Variants in GAD1 observed in about 807,000 individuals in gnomAD.
GAD1 encodes the protein 67 kDa glutamic acid decarboxylase.
Under a neutral mutation model 75.2 loss-of-function variants are expected in GAD1, and 35 were observed. That is an observed-to-expected ratio of 0.47 (90% CI 0.36 to 0.62). GAD1 has a LOEUF of 0.62. Among genes scored for constraint, GAD1 ranks in the 20% least tolerant of loss-of-function variants. GAD1 has a pLI of 0.00. For missense variants in GAD1, 490 were observed against 758.5 expected, an observed-to-expected ratio of 0.65 and a Z score of 4.16; for synonymous variants, 257 against 271.9, an observed-to-expected ratio of 0.95 and a Z score of 0.54.
chr2:170,831,634 G>GTGTA (rs1165758709), intron 5 of GAD1, among the ~76,000 whole-genome samples: 190 of 132,102 alleles, frequency 1.4e-3, no homozygotes, highest in South Asian at 6.3e-3. Context: ...GTGTGTGTGT[G>GTGTA]TATATACCTA....
chr2:170,820,803 T>C lies in GAD1; in HGVS notation c.83-1284T>C, dbSNP rs771263686. ...TTGACCTTGGAAAACTCATGTAACCTCTCTGAGCCTCGATGTTTTTTCTTT... is the reference window on the plus strand; with the variant it reads ...TTGACCTTGGAAAACTCATGTAACCCCTCTGAGCCTCGATGTTTTTTCTTT... On this transcript the variant is annotated intron_variant, in intron 2 of 16. Transcript: ENST00000358196. 9.2e-5 allele frequency among the ~76,000 whole-genome samples: 14 copies of C among 152,320 alleles called. 1 individual carries two copies. The highest frequency in any genetic ancestry group is 6.8e-3 in the Middle Eastern group (2 of 294).
chr2:170,825,913 C>A (rs561623271), intron 3 of GAD1, among the ~76,000 whole-genome samples: 1 of 152,282 alleles, frequency 6.6e-6, no homozygotes, highest in African/African-American at 2.4e-5. Flanking sequence ...TCTGGGACCC[C>A]TTCTTACAGG....
intron 6 of GAD1, among the ~76,000 whole-genome samples, chr2:170,840,767 C>A (rs192286250): frequency 7.4e-4 from 112 of 151,992 alleles, no homozygotes; most frequent in African/African-American, 2.6e-3. Context: ...TTCCATAAAG[C>A]CTCTTTAGCC....
upstream of GAD1, chr2:170,816,623 G>GA (rs201679274): frequency 2.3e-3 from 321 of 138,820 alleles, 1 homozygote; most frequent in Non-Finnish European, 2.9e-3. Flanking sequence ...ATTTCCAAAG[G>GA]AAAAAAAAAA....
chr2:170,818,680 C>G lies in GAD1; in HGVS notation c.82+7C>G, dbSNP rs749230124. The stretch of plus-strand genomic sequence containing the variant: ...ACTAACCTGCGCCCCACAAGTAGGT[C>G]CCGCCCCAATTTTCTATCAAATGAA... On this transcript the variant is annotated splice_region_variant and intron_variant, in intron 2 of 16. Coordinates refer to ENST00000358196, the MANE Select transcript of GAD1 (RefSeq NM_000817.3). The surrounding 1 kb of genome is among the most constrained non-coding windows in gnomAD (Gnocchi z 5.9). 3 of 1,613,596 alleles carry G rather than the reference C, an allele frequency of 1.9e-6. No individual in the cohort carries two copies. The highest frequency in any genetic ancestry group is 2.5e-6 in the Non-Finnish European group (3 of 1,179,484).
Position 170,859,978 on chromosome 2 carries a change from A to C in GAD1, c.*96A>C. ...GTTGCTGAAACACACAGGCCATTTCATTGAGGGAAAACATAATATCTTGAA... is the reference window on the plus strand; with the variant it reads ...GTTGCTGAAACACACAGGCCATTTCCTTGAGGGAAAACATAATATCTTGAA... On this transcript the variant is annotated 3_prime_UTR_variant, in exon 17 of 17. Transcript: ENST00000358196. 1 of 1,078,494 alleles carries C rather than the reference A, an allele frequency of 9.3e-7. No homozygotes were observed. Among genetic ancestry groups the C allele is most frequent in the Non-Finnish European group, 1.4e-6 (1 of 712,988 alleles). 66.8% of individuals were successfully genotyped at this position (1,078,494 alleles called of 1,614,324 possible).
intron 6 of GAD1, chr2:170,842,496 A>G (rs1430203933): frequency 1.5e-6 from 2 of 1,311,242 alleles, no homozygotes; most frequent in Non-Finnish European, 2.2e-6. Flanking sequence ...AAAGCCCATC[A>G]TGAGTTTGCC....
At chr2:170,852,535 C>T (rs548328798) in intron 12 of GAD1, 179 bp from the exon 13 acceptor site, 44 of 654,234 alleles carry the variant, frequency 6.7e-5, no homozygotes, top group South Asian at 6.0e-4. Flanking sequence ...AGATATAGTC[C>T]GTAATGTAAT....
At chr2:170,828,778 A>C (rs1473353874) in intron 3 of GAD1, among the ~76,000 whole-genome samples, 58 of 67,308 alleles carry the variant, frequency 8.6e-4, no homozygotes, top group Non-Finnish European at 9.9e-4. Flanking sequence ...TGCTGTCCTC[A>C]CCCTCCTCCC....
rs1575449167 is a variant in GAD1 at position 170,860,062 on chromosome 2, C to A, written c.*180C>A. On this transcript the variant is annotated 3_prime_UTR_variant, in exon 17 of 17. Coordinates refer to ENST00000358196, the MANE Select transcript of GAD1 (RefSeq NM_000817.3). ...GTTCTAGTTAGCAGGAAATAGTGTTCTTTTTAAAAAGTTGCACATTAGGAA... is the reference window on the plus strand; with the variant it reads ...GTTCTAGTTAGCAGGAAATAGTGTTATTTTTAAAAAGTTGCACATTAGGAA... The A allele has an allele frequency of 1.5e-6, 1 of 666,056 alleles. No individual in the cohort carries two copies. Among genetic ancestry groups the A allele is most frequent in the East Asian group, 2.8e-5 (1 of 35,990 alleles). The allele number at this position is 666,056 out of a possible 1,614,324, so 41.3% of individuals were successfully genotyped here. A position where few individuals can be genotyped will look rare whatever the true frequency, so the allele number is the denominator to read the frequency against.
chr2:170,819,324 G>A (rs1353255071), intron 2 of GAD1, among the ~76,000 whole-genome samples: 1 of 149,512 alleles, frequency 6.7e-6, no homozygotes, highest in Non-Finnish European at 1.5e-5. Context: ...ATAGGGGAGC[G>A]GGCGGCATCC....
rs1702544555 is a variant in GAD1, at chr2:170,842,745, A to G, written c.639-1300A>G. 3.2e-6 allele frequency: 5 copies of G among 1,548,628 alleles called. No individual in the cohort carries two copies. In the South Asian group the frequency reaches 5.0e-5, roughly 15 times the overall value. ...GACATATTCTTTTTGGAAATAAAAT[A>G]CTTCTACCAACATATCTGAGGATCC... On this transcript the variant is annotated intron_variant, in intron 6 of 16. Transcript: ENST00000358196.
chr2:170,839,650 A>G (rs1575438075), intron 6 of GAD1, among the ~76,000 whole-genome samples: 1 of 151,498 alleles, frequency 6.6e-6, no homozygotes, highest in Admixed American at 6.6e-5. Flanking sequence ...ATGCCTTTAC[A>G]CCTGTTTCTG....
chr2:170,822,118 A>G lies in GAD1; in HGVS notation c.114A>G (p.Gly38=). The change falls in exon 3 of 17, where the codon GGA becomes GGG. Residue 38 remains glycine (G), a synonymous_variant. Coordinates refer to ENST00000358196, the MANE Select transcript of GAD1 (RefSeq NM_000817.3). ...TYDTWCGVAH[G]CTRKLGLKIC... ...ATACCTGGTGCGGCGTGGCCCATGG[A>G]TGCACCAGAAAACTGGGGCTCAAGA... 1 of 1,612,310 alleles carries G rather than the reference A, an allele frequency of 6.2e-7. No homozygotes were observed. Among genetic ancestry groups the G allele is most frequent in the African/African-American group, 1.3e-5 (1 of 74,972 alleles).
At position 170,818,738 on chromosome 2, in the gene GAD1, G is replaced by T; in HGVS notation, c.82+65G>T. 2.0e-6 allele frequency: 3 copies of T among 1,497,916 alleles called. No homozygotes were observed. The highest frequency in any genetic ancestry group is 1.9e-6 in the Non-Finnish European group (2 of 1,073,912). The allele number at this position is 1,497,916 out of a possible 1,614,324, so 92.8% of individuals were successfully genotyped here. On this transcript the variant is annotated intron_variant, in intron 2 of 16. Transcript: ENST00000358196. The surrounding 1 kb of genome is among the most constrained non-coding windows in gnomAD (Gnocchi z 5.9). ...GAAGATGGGGGCGCTGGGACGTCGG[G>T]AGGCTGAGCTGGCGGAAAGGGAAGG...
At chr2:170,839,891 G>A (rs1382694873) in intron 6 of GAD1, among the ~76,000 whole-genome samples, 1 of 152,122 alleles carries the variant, frequency 6.6e-6, no homozygotes, top group Non-Finnish European at 1.5e-5. Flanking sequence ...TTTGCTATGA[G>A]GTTATGATTT....
rs1051461170 is a variant in GAD1 at position 170,853,180 on chromosome 2, C to T, written c.1263+388C>T. The T allele has an allele frequency of 2.2e-5, 6 of 275,214 alleles. No homozygotes were observed. Among genetic ancestry groups the T allele is most frequent in the African/African-American group, 1.1e-4 (5 of 46,114 alleles). The allele number at this position is 275,214 out of a possible 1,614,324, so 17.0% of individuals were successfully genotyped here. ...GGAGTTCTTAGTATAAACGTGTGGT[C>T]CCAAGAACTGAAATAAATGAGACAG... On this transcript the variant is annotated intron_variant, in intron 13 of 16. Transcript: ENST00000358196. This position sits in a 1 kb window ranked among gnomAD's most constrained non-coding sequence, Gnocchi z 4.1.
chr2:170,838,949 G>A (rs551709837), intron 6 of GAD1, among the ~76,000 whole-genome samples: 1 of 152,302 alleles, frequency 6.6e-6, no homozygotes, highest in East Asian at 1.9e-4. Context: ...TGTCAGTTCT[G>A]GAGACAAGGC....
chr2:170,825,730 T>A (rs181372994), intron 3 of GAD1, among the ~76,000 whole-genome samples: 1 of 152,334 alleles, frequency 6.6e-6, no homozygotes, highest in African/African-American at 2.4e-5. Context: ...TTTTCTCCCC[T>A]TGCGGCTGGC....
Sources: gnomAD v4.1 joint callset for allele counts (sites outside exome capture counted in the v4.1 genomes callset) on GRCh38, gnomAD v4.1.1 for gene constraint, Gnocchi (gnomAD v3.1) non-coding constraint, MANE v1.5 for transcripts, NCBI Gene and HGNC (gene_info 2026-07-23, HGNC 2026-07-21) for gene names.